Variants in TSPEAR observed in about 807,000 individuals in gnomAD.
TSPEAR encodes the protein thrombospondin-type laminin G domain and EAR repeat-containing protein.
Under a neutral mutation model 71.6 loss-of-function variants are expected in TSPEAR, and 69 were observed. The observed-to-expected ratio is 0.96, with a 90% CI of 0.79 to 1.18. The LOEUF is 1.18. Among genes scored for constraint, TSPEAR ranks in the 50% most tolerant of loss-of-function variants. The pLI is 0.00. For synonymous variants in TSPEAR, 402 were observed against 387.2 expected (o/e 1.04, Z -0.45); for missense variants, 971 against 894.9 (o/e 1.09, Z -1.09).
At chr21:44,709,593 T>C (rs569955249) in intron 1 of TSPEAR, among the ~76,000 whole-genome samples, 1 of 152,244 alleles carries the variant, frequency 6.6e-6, no homozygotes, top group Non-Finnish European at 1.5e-5. Flanking sequence ...CGACCGCCTG[T>C]GACCTGCGGG....
At chr21:44,697,180 C>A (rs368794846) in intron 1 of TSPEAR, 22 of 1,608,436 alleles carry the variant, frequency 1.4e-5, no homozygotes, top group Non-Finnish European at 1.8e-5. Flanking sequence ...CCAGCTCAAC[C>A]CCCAGCACGG....
chr21:44,512,436 C>T (rs1278362432), intron 9 of TSPEAR, among the ~76,000 whole-genome samples: 14 of 152,020 alleles, frequency 9.2e-5, no homozygotes. Context: ...CGGTACATCC[C>T]TAGGGATGGA....
intron 1 of TSPEAR, chr21:44,579,469 G>C (rs1424819844): frequency 3.1e-5 from 17 of 545,954 alleles, no homozygotes; most frequent in African/African-American, 3.0e-4. Context: ...GCGACCAAGG[G>C]GAGTTTATTG....
chr21:44,676,870 G>C, intron 1 of TSPEAR: 1 of 923,616 alleles, frequency 1.1e-6, no homozygotes, highest in East Asian at 2.4e-5. Flanking sequence ...CTTTTCTGTG[G>C]CCTTCTGTTC....
At chr21:44,690,005 G>A (rs1013777450) in intron 1 of TSPEAR, among the ~76,000 whole-genome samples, 1 of 151,948 alleles carries the variant, frequency 6.6e-6, no homozygotes, top group Non-Finnish European at 1.5e-5. Context: ...GGGTGGGCCT[G>A]CCTTTCCCAG....
chr21:44,503,504 C>T (rs1305762628), intron 11 of TSPEAR, among the ~76,000 whole-genome samples: 2 of 128,866 alleles, frequency 1.6e-5, no homozygotes, highest in African/African-American at 3.0e-5. Flanking sequence ...GGGAGGAGGC[C>T]GGCCTTGGTG....
At chr21:44,669,785 AC>A (rs1489184899) in intron 1 of TSPEAR, among the ~76,000 whole-genome samples, 1 of 151,884 alleles carries the variant, frequency 6.6e-6, no homozygotes, top group East Asian at 1.9e-4. Context: ...CAGCAGTCCC[AC>A]CCCCAGAGGT....
intron 2 of TSPEAR, among the ~76,000 whole-genome samples, chr21:44,536,264 G>A (rs1373065983): frequency 1.3e-5 from 2 of 152,224 alleles, no homozygotes; most frequent in African/African-American, 4.8e-5. Context: ...GCGTCCTCCG[G>A]CACAGACCTC....
intron 2 of TSPEAR, chr21:44,550,435 A>C: frequency 1.6e-6 from 1 of 638,690 alleles, no homozygotes; most frequent in Middle Eastern, 4.4e-4. Context: ...AGGAGGGCCC[A>C]TCCCCAACCA....
intron 10 of TSPEAR, chr21:44,508,730 A>G: frequency 8.0e-7 from 1 of 1,247,834 alleles, no homozygotes; most frequent in Non-Finnish European, 1.0e-6. Context: ...TCAACAGGCC[A>G]GTCTCCGTGT....
chr21:44,682,252 T>A (rs1241469526), intron 1 of TSPEAR: 1 of 1,086,656 alleles, frequency 9.2e-7, no homozygotes, highest in Admixed American at 2.8e-5. Flanking sequence ...GTCTTCCTTG[T>A]TTTTCTTCCT....
At position 44,628,075 on chromosome 21, in the gene TSPEAR, G is replaced by A. The variant is rs587628552; in HGVS notation, c.83-60070C>T. The stretch of plus-strand genomic sequence containing the variant: ...ACGGTCATGTCCCCCAGGGCCAGCC[G>A]GGCTCAGGCCCCACCTCCCTGCCAG... On this transcript the variant is annotated intron_variant, in intron 1 of 11. Transcript: ENST00000323084. 5.2e-5 allele frequency: 83 copies of A among 1,595,562 alleles called. 1 individual carries two copies. The highest frequency in any genetic ancestry group is 1.3e-4 in the Admixed American group (8 of 59,360).
chr21:44,622,576 G>A (rs1466280142), intron 1 of TSPEAR, among the ~76,000 whole-genome samples: 3 of 152,130 alleles, frequency 2.0e-5, no homozygotes. Flanking sequence ...GCAAACCTTG[G>A]CGTCCCTTGG....
At chr21:44,547,996 C>T (rs1217371767) in intron 2 of TSPEAR, among the ~76,000 whole-genome samples, 1 of 152,226 alleles carries the variant, frequency 6.6e-6, no homozygotes, top group Non-Finnish European at 1.5e-5. Context: ...TGTCATCTTC[C>T]AGCTTTTCCT....
chr21:44,630,716 C>T (rs912495904), intron 1 of TSPEAR, among the ~76,000 whole-genome samples: 12 of 151,936 alleles, frequency 7.9e-5, no homozygotes, highest in African/African-American at 2.2e-4. Flanking sequence ...AGTCGCAAAC[C>T]GCCCAGGTGA....
At chr21:44,527,698 A>G (rs2052886026) in intron 6 of TSPEAR, among the ~76,000 whole-genome samples, 180 bp from the exon 7 acceptor site, 1 of 152,222 alleles carries the variant, frequency 6.6e-6, no homozygotes, top group Non-Finnish European at 1.5e-5. Context: ...GAGGCCACTC[A>G]CTGCTGCCAG....
At chr21:44,519,188 C>A (rs2052680855) in intron 9 of TSPEAR, 1 of 152,460 alleles carries the variant, frequency 6.6e-6, no homozygotes, top group South Asian at 2.0e-4. Context: ...GCCACCATGC[C>A]AGGCTAATTT....
In TSPEAR at chr21:44,619,161, C is replaced by T. The variant is rs141285831; in HGVS notation, c.83-51156G>A. ...AAACTCCCCAGCCGAGTGCTGAAGG[C>T]GTGGACCAACATACAGAGCCCAGCT... On this transcript the variant is annotated intron_variant, in intron 1 of 11. Coordinates refer to ENST00000323084, the MANE Select transcript of TSPEAR (RefSeq NM_144991.3). Among the ~76,000 whole-genome samples the T allele has an allele frequency of 2.1e-3, 322 of 152,238 alleles. 1 individual carries two copies. Among genetic ancestry groups the T allele is most frequent in the Middle Eastern group, 0.017 (5 of 294 alleles).
At chr21:44,599,849 C>T (rs1980659165) in intron 1 of TSPEAR, among the ~76,000 whole-genome samples, 1 of 152,226 alleles carries the variant, frequency 6.6e-6, no homozygotes, top group African/African-American at 2.4e-5. Context: ...CACGGCAGTG[C>T]TGTTGAGAGT....
Sources: gnomAD v4.1 joint callset for allele counts (sites outside exome capture counted in the v4.1 genomes callset) on GRCh38, gnomAD v4.1.1 for gene constraint, MANE v1.5 for transcripts, NCBI Gene and HGNC (gene_info 2026-07-23, HGNC 2026-07-21) for gene names.